The following UBXN4 variants were observed in gnomAD, a reference collection of about 807,000 sequenced individuals.
The protein encoded by UBXN4 is UBX domain protein 4, also known as UBX domain-containing protein 4.
In UBXN4, 35 loss-of-function variants were observed where a neutral mutation model predicts 66.2. That is an observed-to-expected ratio of 0.53 (90% CI 0.40 to 0.70). The LOEUF (loss-of-function observed/expected upper bound fraction) is 0.70. Among genes scored for constraint, UBXN4 ranks in the 30% least tolerant of loss-of-function variants. UBXN4 has a pLI of 0.00. For missense variants in UBXN4, 533 were observed against 599.8 expected (o/e 0.89, Z 1.16); for synonymous variants, 203 against 204.5 (o/e 0.99, Z 0.06).
At chr2:135,777,915 C>T (rs537700677) in intron 10 of UBXN4, among the ~76,000 whole-genome samples, 2 of 151,468 alleles carry the variant, frequency 1.3e-5, no homozygotes, top group Admixed American at 6.6e-5. Flanking sequence ...CAGTGGCTCA[C>T]GCCTGTAATC....
chr2:135,775,055 A>G (rs535975050), intron 9 of UBXN4, among the ~76,000 whole-genome samples: 1 of 152,338 alleles, frequency 6.6e-6, no homozygotes, highest in African/African-American at 2.4e-5. Flanking sequence ...AAGATGTTCA[A>G]CATCATTAGT....
intron 2 of UBXN4, among the ~76,000 whole-genome samples, chr2:135,750,314 C>T (rs1387632316): frequency 2.0e-5 from 3 of 151,946 alleles, no homozygotes; most frequent in African/African-American, 7.3e-5. Flanking sequence ...AGTGGTATTC[C>T]TGTCTTTTTG....
At chr2:135,755,436 C>A (rs945344275) in intron 4 of UBXN4, 81 bp from the exon 5 acceptor site, 20 of 1,102,322 alleles carry the variant, frequency 1.8e-5, no homozygotes, top group Non-Finnish European at 2.3e-5. Flanking sequence ...GAGTATAAAT[C>A]AACCTGTATT....
chr2:135,742,067 T>G, intron 1 of UBXN4, 56 bp downstream of exon 1: 1 of 1,586,620 alleles, frequency 6.3e-7, no homozygotes, highest in Non-Finnish European at 8.6e-7. Context: ...CCTACCTTCA[T>G]CCTCTTGTAT....
chr2:135,759,236 G>T (rs2077297200), intron 5 of UBXN4, among the ~76,000 whole-genome samples: 1 of 152,100 alleles, frequency 6.6e-6, no homozygotes, highest in Non-Finnish European at 1.5e-5. Flanking sequence ...TCAGGCATTT[G>T]TATGATTTCA....
intron 5 of UBXN4, among the ~76,000 whole-genome samples, chr2:135,759,098 A>C (rs1314262757): frequency 6.6e-6 from 1 of 152,184 alleles, no homozygotes; most frequent in Non-Finnish European, 1.5e-5. Flanking sequence ...GCATATTCTA[A>C]AGTAGAGAGA....
chr2:135,752,711 T>G (rs773811568), intron 2 of UBXN4, among the ~76,000 whole-genome samples: 1 of 152,172 alleles, frequency 6.6e-6, no homozygotes, highest in Non-Finnish European at 1.5e-5. Flanking sequence ...GCTTGTGGGT[T>G]GTAAGAGCAA....
chr2:135,753,366 A>G (rs1264849472), intron 2 of UBXN4, among the ~76,000 whole-genome samples, 173 bp from the exon 3 acceptor site: 2 of 152,228 alleles, frequency 1.3e-5, no homozygotes, highest in Non-Finnish European at 1.5e-5. Flanking sequence ...CAAACCAGAA[A>G]AAGTCTTAAT....
At chr2:135,758,544 A>C (rs1386471936) in intron 5 of UBXN4, among the ~76,000 whole-genome samples, 1 of 152,058 alleles carries the variant, frequency 6.6e-6, no homozygotes, top group African/African-American at 2.4e-5. Context: ...TTATTATGGA[A>C]AATTTCAAAC....
At chr2:135,770,850 C>A (rs1049458783) in intron 8 of UBXN4, 115 bp downstream of exon 8, 10 of 999,960 alleles carry the variant, frequency 1.0e-5, no homozygotes, top group Non-Finnish European at 1.2e-5. Context: ...GACTACCAAT[C>A]CTGAGCTTCC....
Position 135,772,555 on chromosome 2 carries a change from A to G in UBXN4, c.950+8A>G, listed in dbSNP as rs1484499318. The G allele has an allele frequency of 1.9e-6, 3 of 1,612,926 alleles. No homozygotes were observed. The highest frequency in any genetic ancestry group is 2.5e-6 in the Non-Finnish European group (3 of 1,179,324). On this transcript the variant is annotated splice_region_variant and intron_variant, in intron 9 of 12. Transcript: ENST00000272638. Reference sequence around the variant, plus strand: ...TTATGCAAGAGAAAGAAGGTACTATATTTCATGCTGAAACATCTCTGTGCA... The same window carrying G: ...TTATGCAAGAGAAAGAAGGTACTATGTTTCATGCTGAAACATCTCTGTGCA...
intron 10 of UBXN4, among the ~76,000 whole-genome samples, chr2:135,776,595 C>G (rs1363431881): frequency 2.0e-5 from 3 of 152,058 alleles, no homozygotes; most frequent in East Asian, 1.9e-4. Context: ...GGGAACTTTT[C>G]TTTTTTAAAA....
intron 2 of UBXN4, among the ~76,000 whole-genome samples, chr2:135,749,110 T>G (rs955459954): frequency 6.6e-6 from 1 of 152,168 alleles, no homozygotes; most frequent in Admixed American, 6.5e-5. Context: ...AAATTCTGAC[T>G]GCCGTTTGCT....
intron 5 of UBXN4, among the ~76,000 whole-genome samples, chr2:135,756,497 A>G (rs2077279099): frequency 6.6e-6 from 1 of 152,224 alleles, no homozygotes; most frequent in Non-Finnish European, 1.5e-5. Flanking sequence ...TTGTGGAGTT[A>G]CACATGACAG....
At chr2:135,755,405 T>C (rs1357702227) in intron 4 of UBXN4, 112 bp from the exon 5 acceptor site, 3 of 776,472 alleles carry the variant, frequency 3.9e-6, no homozygotes, top group Non-Finnish European at 5.3e-6. Context: ...TTTATGAGCA[T>C]TTCGTATTTC....
At chr2:135,753,635 A>G (rs762119559) in intron 3 of UBXN4, 68 bp downstream of exon 3, 1 of 1,269,336 alleles carries the variant, frequency 7.9e-7, no homozygotes, top group South Asian at 1.7e-5. Context: ...TAATTTATGA[A>G]ATTTAGAAAT....
chr2:135,742,043 G>A (rs756504199), intron 1 of UBXN4, 32 bp downstream of exon 1: 1 of 1,607,674 alleles, frequency 6.2e-7, no homozygotes, highest in Non-Finnish European at 8.5e-7. Flanking sequence ...GAGGCGGCCG[G>A]GACACCCCTC....
At chr2:135,742,490 G>C (rs2077181825) in intron 1 of UBXN4, 1 of 153,712 alleles carries the variant, frequency 6.5e-6, no homozygotes, top group Non-Finnish European at 1.5e-5. Context: ...CCTCTCCCCT[G>C]CGCAGCCAGA....
At chr2:135,774,876 T>C (rs1050140975) in intron 9 of UBXN4, among the ~76,000 whole-genome samples, 1 of 149,284 alleles carries the variant, frequency 6.7e-6, no homozygotes, top group African/African-American at 2.5e-5. Context: ...GAACAACCCA[T>C]AGAATTGGAG....
Sources: allele counts gnomAD v4.1 joint callset (sites outside exome capture counted in the v4.1 genomes callset), GRCh38; gene constraint gnomAD v4.1.1; transcripts MANE v1.5; gene names NCBI Gene and HGNC (gene_info 2026-07-23, HGNC 2026-07-21).